The following SVOPL variants were observed in gnomAD, a reference collection of about 807,000 sequenced individuals.
The protein encoded by SVOPL is SVOP like, also known as putative transporter SVOPL.
In SVOPL, 60 loss-of-function variants were observed where a neutral mutation model predicts 61.0. The observed-to-expected ratio is 0.98, with a 90% CI of 0.80 to 1.22. The LOEUF is 1.22. SVOPL is among the 50% of genes most tolerant of loss of function. The pLI, the probability that SVOPL is intolerant of heterozygous loss-of-function variation, is 0.00. For synonymous variants in SVOPL, 279 were observed against 250.0 expected, an observed-to-expected ratio of 1.12 and a Z score of -1.09; for missense variants, 662 against 643.9, an observed-to-expected ratio of 1.03 and a Z score of -0.30.
At chr7:138,611,589 G>A (rs1292364819) in intron 14 of SVOPL, among the ~76,000 whole-genome samples, 1 of 151,884 alleles carries the variant, frequency 6.6e-6, no homozygotes, top group African/African-American at 2.4e-5. Context: ...GTCATCTTAC[G>A]AGCTGATTTT....
At chr7:138,596,318 A>G in intron 15 of SVOPL, 99 bp downstream of exon 15, 1 of 955,324 alleles carries the variant, frequency 1.0e-6, no homozygotes, top group Non-Finnish European at 1.5e-6. Context: ...GATATGAATT[A>G]TTAGTTATTT....
intron 1 of SVOPL, among the ~76,000 whole-genome samples, chr7:138,688,264 A>C (rs1237859205): frequency 6.7e-6 from 1 of 149,720 alleles, no homozygotes; most frequent in Non-Finnish European, 1.5e-5. Context: ...AGGATGCCGA[A>C]AAATTTTGGG....
intron 10 of SVOPL, among the ~76,000 whole-genome samples, chr7:138,629,680 G>T (rs189384168): frequency 1.1e-4 from 17 of 152,318 alleles, no homozygotes; most frequent in African/African-American, 4.1e-4. Flanking sequence ...GCAGAGAAAT[G>T]AATCACAGAG....
intron 1 of SVOPL, among the ~76,000 whole-genome samples, chr7:138,687,228 CTTTTTTTTTTTT>C (rs71179722): frequency 1.3e-5 from 1 of 77,024 alleles, no homozygotes; most frequent in African/African-American, 5.7e-5. Context: ...CTTTTTTCCT[CTTTTTTTTTTTT>C]TTTTTTTTTT....
At chr7:138,664,639 C>T (rs1379727847) in intron 4 of SVOPL, among the ~76,000 whole-genome samples, 1 of 150,072 alleles carries the variant, frequency 6.7e-6, no homozygotes, top group East Asian at 2.0e-4. Context: ...ATCTCCAGCA[C>T]CCCCGATCCT....
intron 9 of SVOPL, among the ~76,000 whole-genome samples, chr7:138,642,920 A>G (rs1219834136): frequency 6.6e-6 from 1 of 151,972 alleles, no homozygotes; most frequent in Admixed American, 6.6e-5. Flanking sequence ...AAACAAAAGT[A>G]GACTGTAACC....
At position 138,658,236 on chromosome 7, in the gene SVOPL, A is replaced by G. The variant is rs1039914022; in HGVS notation, c.470+1628T>C. Among the ~76,000 whole-genome samples, 6 of 152,054 alleles carry G rather than the reference A, an allele frequency of 3.9e-5. No individual in the cohort carries two copies. In the East Asian group the frequency reaches 1.2e-3, roughly 29 times the overall value. On this transcript the variant is annotated intron_variant, in intron 6 of 15. Transcript: ENST00000674285. ...AGCAAGTCTCAGCTTCATTTTACCC[A>G]GCCCCTATTAAAGATGGAGTCACTC...
chr7:138,647,118 G>A (rs1020639205), intron 8 of SVOPL, among the ~76,000 whole-genome samples: 1 of 152,228 alleles, frequency 6.6e-6, no homozygotes, highest in African/African-American at 2.4e-5. Flanking sequence ...GCTCACACCT[G>A]CAATCCCAGC....
At chr7:138,612,587 C>A (rs1443438328) in intron 14 of SVOPL, among the ~76,000 whole-genome samples, 1 of 150,264 alleles carries the variant, frequency 6.7e-6, no homozygotes, top group Non-Finnish European at 1.5e-5. Context: ...GTGATCTTAG[C>A]TCACTGCACC....
At chr7:138,689,305 T>C (rs889780058) in intron 1 of SVOPL, 29 of 1,592,310 alleles carry the variant, frequency 1.8e-5, no homozygotes, top group Non-Finnish European at 2.3e-5. Flanking sequence ...GGTTTAGATG[T>C]AGATTCTCTG....
chr7:138,659,097 A>G (rs1801883271), intron 6 of SVOPL, among the ~76,000 whole-genome samples: 1 of 152,164 alleles, frequency 6.6e-6, no homozygotes, highest in Non-Finnish European at 1.5e-5. Context: ...GGCTACCTGG[A>G]GGCTTCATTT....
At chr7:138,670,915 C>A (rs1332156806) in intron 4 of SVOPL, among the ~76,000 whole-genome samples, 1 of 152,082 alleles carries the variant, frequency 6.6e-6, no homozygotes, top group Non-Finnish European at 1.5e-5. Flanking sequence ...TCAGGAGCCT[C>A]TTTTAAGATT....
At chr7:138,684,930 TTTTC>T (rs1238212023) in intron 1 of SVOPL, among the ~76,000 whole-genome samples, 8 of 133,660 alleles carry the variant, frequency 6.0e-5, no homozygotes, top group Admixed American at 2.9e-4. Context: ...TTTCTTTTTC[TTTTC>T]TTTTTTTTTT....
chr7:138,624,106 C>G (rs1799793875), intron 13 of SVOPL, among the ~76,000 whole-genome samples: 1 of 152,210 alleles, frequency 6.6e-6, no homozygotes, highest in Admixed American at 6.5e-5. Flanking sequence ...AGGCGTGAGC[C>G]ACTGCACCCA....
At chr7:138,615,263 A>C (rs1283314089) in intron 14 of SVOPL, among the ~76,000 whole-genome samples, 12 of 152,144 alleles carry the variant, frequency 7.9e-5, no homozygotes, top group African/African-American at 2.9e-4. Context: ...GTCCTTAAAA[A>C]AAGAGATCAC....
intron 13 of SVOPL, among the ~76,000 whole-genome samples, chr7:138,623,136 T>C (rs1335623478): frequency 6.6e-6 from 1 of 152,214 alleles, no homozygotes; most frequent in African/African-American, 2.4e-5. Flanking sequence ...TGGGGAACTT[T>C]ATTATTTTCT....
chr7:138,646,653 G>A (rs548064465), intron 8 of SVOPL, among the ~76,000 whole-genome samples: 248 of 152,146 alleles, frequency 1.6e-3, no homozygotes, highest in African/African-American at 5.7e-3. Context: ...TGAGTAGCTG[G>A]GACCACAGGC....
chr7:138,639,395 G>C (rs892028314), intron 9 of SVOPL, among the ~76,000 whole-genome samples: 1 of 152,124 alleles, frequency 6.6e-6, no homozygotes, highest in Non-Finnish European at 1.5e-5. Flanking sequence ...GGGAGGCTGA[G>C]GTGGGTGGGC....
intron 7 of SVOPL, among the ~76,000 whole-genome samples, chr7:138,653,848 A>G (rs1801558393): frequency 6.6e-6 from 1 of 151,574 alleles, no homozygotes; most frequent in African/African-American, 2.4e-5. Context: ...CAGGAGAACC[A>G]CTTGAATCTG....
Sources: gnomAD v4.1 joint callset for allele counts (sites outside exome capture counted in the v4.1 genomes callset) on GRCh38, gnomAD v4.1.1 for gene constraint, MANE v1.5 for transcripts, NCBI Gene and HGNC (gene_info 2026-07-23, HGNC 2026-07-21) for gene names.